Variants in CDH20 observed in about 807,000 individuals in gnomAD.
CDH20 encodes the protein cadherin-20.
Under a neutral mutation model 74.2 loss-of-function variants are expected in CDH20, and 29 were observed. The observed-to-expected ratio is 0.39, with a 90% CI of 0.29 to 0.53. The LOEUF (loss-of-function observed/expected upper bound fraction) is 0.53, where lower values mean the gene tolerates loss of function less well. Among genes scored for constraint, CDH20 ranks in the 20% least tolerant of loss-of-function variants. The pLI, the probability that CDH20 is intolerant of heterozygous loss-of-function variation, is 0.69. For synonymous variants in CDH20, 469 were observed against 405.4 expected (o/e 1.16, Z -1.88); for missense variants, 988 against 1,048.3 (o/e 0.94, Z 0.79).
At chr18:61,475,036 T>C (rs1327262428) in intron 1 of CDH20, among the ~76,000 whole-genome samples, 1 of 151,858 alleles carries the variant, frequency 6.6e-6, no homozygotes, top group Non-Finnish European at 1.5e-5. Context: ...AAGTATAGAT[T>C]TTATCAGTTA....
At chr18:61,354,895 C>T (rs1195546730) in intron 1 of CDH20, among the ~76,000 whole-genome samples, 3 of 152,140 alleles carry the variant, frequency 2.0e-5, no homozygotes, top group African/African-American at 7.2e-5. Flanking sequence ...AACATGTTGT[C>T]CATAAATAGG....
chr18:61,382,660 C>T (rs1911470173), intron 1 of CDH20, among the ~76,000 whole-genome samples: 1 of 152,164 alleles, frequency 6.6e-6, no homozygotes, highest in South Asian at 2.1e-4. Flanking sequence ...AGAATTCATA[C>T]TTGGTGATGG....
chr18:61,496,100 TCCTTCTCTCCTCCCTTCCTCTCC>T (rs1911136283), intron 2 of CDH20, among the ~76,000 whole-genome samples: 3 of 8,242 alleles, frequency 3.6e-4, no homozygotes, highest in South Asian at 8.3e-3. Context: ...CCTTCCTCTC[TCCTTCTCTCCTCCCTTCCTCTCC>T]CCCTCTCTCC....
Position 61,554,273 on chromosome 18 carries a change from A to G in CDH20, c.1984A>G (p.Ile662Val). Reference sequence around the variant, plus strand: ...CGACGAGGAAAACATCCACGAGAACATCGTCCGCTACGACGACGAGGGCGG... The same window carrying G: ...CGACGAGGAAAACATCCACGAGAACGTCGTCCGCTACGACGACGAGGGCGG... ...IDDEENIHEN[I>V]VRYDDEGGGE... Residue 662 changes from isoleucine to valine, a missense_variant, in exon 12 of 12, where the codon ATC becomes GTC. Around this residue, in one of 2 missense-constraint regions of CDH20, gnomAD observed 375 missense variants for 293.1 expected, o/e 1.28. Coordinates refer to ENST00000262717, the MANE Select transcript of CDH20 (RefSeq NM_031891.4). 1.2e-6 allele frequency: 2 copies of G among 1,614,008 alleles called. No homozygotes were observed. Among genetic ancestry groups the G allele is most frequent in the Non-Finnish European group, 1.7e-6 (2 of 1,180,004 alleles).
chr18:61,532,404 T>G lies in CDH20; in HGVS notation c.1272-4089T>G, dbSNP rs2144379531. On this transcript the variant is annotated intron_variant, in intron 7 of 11. Transcript: ENST00000262717. ...TTTCTCTAGCTCTTACTCATCAGCT[T>G]TCTCTTTAATTCCTAATTCCTAAAT... Among the ~76,000 whole-genome samples the G allele has an allele frequency of 2.0e-5, 3 of 152,244 alleles. No homozygotes were observed. In the South Asian group the frequency reaches 6.2e-4, roughly 32 times the overall value.
chr18:61,538,658 G>C (rs1201481222), intron 8 of CDH20, among the ~76,000 whole-genome samples: 7 of 76,804 alleles, frequency 9.1e-5, no homozygotes, highest in Non-Finnish European at 1.6e-4. Flanking sequence ...TTACTCTTTT[G>C]CCCAGGCCGG....
intron 7 of CDH20, among the ~76,000 whole-genome samples, chr18:61,532,301 G>T (rs2144379378): frequency 2.0e-5 from 3 of 152,208 alleles, no homozygotes; most frequent in Admixed American, 2.0e-4. Context: ...ATTAAATAGG[G>T]TCACAGGCAG....
At chr18:61,396,475 A>G (rs1019086502) in intron 1 of CDH20, among the ~76,000 whole-genome samples, 2 of 151,982 alleles carry the variant, frequency 1.3e-5, no homozygotes, top group African/African-American at 2.4e-5. Context: ...TTCAAACTCA[A>G]CCTCATCACA....
intron 1 of CDH20, among the ~76,000 whole-genome samples, chr18:61,406,412 A>T (rs181854124): frequency 5.0e-4 from 76 of 152,364 alleles, no homozygotes; most frequent in Non-Finnish European, 9.1e-4. Context: ...ATTATGTGCC[A>T]GGCACTGTTC....
intron 1 of CDH20, among the ~76,000 whole-genome samples, chr18:61,440,371 C>A (rs750866599): frequency 5.3e-5 from 8 of 152,136 alleles, no homozygotes; most frequent in Non-Finnish European, 1.2e-4. Flanking sequence ...CTAACCTCAA[C>A]GCTATCAGAG....
At chr18:61,518,577 C>T (rs1401808448) in intron 6 of CDH20, among the ~76,000 whole-genome samples, 3 of 151,268 alleles carry the variant, frequency 2.0e-5, no homozygotes, top group Non-Finnish European at 4.4e-5. Flanking sequence ...ACATTAATAT[C>T]AACAAAAACA....
intron 6 of CDH20, 52 bp downstream of exon 6, chr18:61,507,612 T>A: frequency 7.3e-7 from 1 of 1,365,204 alleles, no homozygotes; most frequent in Non-Finnish European, 1.0e-6. Flanking sequence ...TGAATGTTTA[T>A]GAAATGCTAG....
rs988066038 is a variant in CDH20 at position 61,382,555 on chromosome 18, G to A, written c.-153+48728G>A. On this transcript the variant is annotated intron_variant, in intron 1 of 11. Coordinates refer to ENST00000262717, the MANE Select transcript of CDH20 (RefSeq NM_031891.4). Reference sequence around the variant, plus strand: ...CAGGGTTAAGTATCTAATGTAGAATGTCAGATCTCAACACATAATTGCTAT... The same window carrying A: ...CAGGGTTAAGTATCTAATGTAGAATATCAGATCTCAACACATAATTGCTAT... Among the ~76,000 whole-genome samples the A allele has an allele frequency of 7.9e-5, 12 of 152,142 alleles. No individual in the cohort carries two copies. In the South Asian group the frequency reaches 1.0e-3, roughly 13 times the overall value.
rs142593321 is a variant in CDH20 at position 61,415,480 on chromosome 18, T to C, written c.-152-74922T>C. On this transcript the variant is annotated intron_variant, in intron 1 of 11. Transcript: ENST00000262717. ...GTGGACTAGACTGAATCCTTCCTGA[T>C]TGAATGACAAACTGAATGAAAATAC... is the stretch of plus-strand genomic sequence containing the variant. 1.8e-3 allele frequency among the ~76,000 whole-genome samples: 271 copies of C among 152,270 alleles called. 1 individual carries two copies. The highest frequency in any genetic ancestry group is 3.1e-3 in the Non-Finnish European group (208 of 68,018).
intron 1 of CDH20, among the ~76,000 whole-genome samples, chr18:61,419,731 A>G (rs974948103): frequency 5.3e-5 from 8 of 152,020 alleles, no homozygotes; most frequent in African/African-American, 1.5e-4. Flanking sequence ...CACTATCCCA[A>G]CTTGCCTCCC....
chr18:61,372,280 A>T (rs1177171064), intron 1 of CDH20, among the ~76,000 whole-genome samples: 1 of 151,988 alleles, frequency 6.6e-6, no homozygotes, highest in Non-Finnish European at 1.5e-5. Context: ...CCTAAATTTC[A>T]TTTTGTTCTG....
At chr18:61,338,350 A>AT (rs1909827621) in intron 1 of CDH20, among the ~76,000 whole-genome samples, 1 of 152,032 alleles carries the variant, frequency 6.6e-6, no homozygotes, top group African/African-American at 2.4e-5. Flanking sequence ...CTAGTGTTTC[A>AT]GAATAATCTG....
chr18:61,484,836 C>T (rs1472375661), intron 1 of CDH20, among the ~76,000 whole-genome samples: 4 of 151,738 alleles, frequency 2.6e-5, no homozygotes, highest in Admixed American at 6.6e-5. Flanking sequence ...TGCAATTAAG[C>T]TACTGTTTAC....
rs1287292790 is a variant in CDH20 at position 61,499,234 on chromosome 18, T to C, written c.295T>C (p.Ser99Pro). ...RGDGSIKYIL[S>P]GEGAGIVFTI... ...AGACGGATCCATCAAATACATCCTC[T>C]CGGGAGAAGGTGCTGGCATCGTGTT... Residue 99 changes from serine to proline, a missense_variant, in exon 3 of 12, where the codon TCG (serine) becomes CCG (proline). Coordinates refer to ENST00000262717, the MANE Select transcript of CDH20 (RefSeq NM_031891.4). 1 of 1,611,218 alleles carries C rather than the reference T, an allele frequency of 6.2e-7. No individual in the cohort carries two copies. Among genetic ancestry groups the C allele is most frequent in the Non-Finnish European group, 8.5e-7 (1 of 1,178,270 alleles).
Sources: gnomAD v4.1 joint callset for allele counts (sites outside exome capture counted in the v4.1 genomes callset) on GRCh38, gnomAD v4.1.1 for gene constraint, gnomAD v4.1.1 regional missense constraint, MANE v1.5 for transcripts, NCBI Gene and HGNC (gene_info 2026-07-23, HGNC 2026-07-21) for gene names.